BCL2L14: variants seen among roughly 807,000 people sequenced by gnomAD.
BCL2L14 encodes the protein BCL2 like 14.
BCL2L14 carries 27 observed loss-of-function variants against 35.3 expected under a neutral mutation model. The ratio of observed to expected loss-of-function variants is 0.76; its 90% CI spans 0.56 to 1.05. The LOEUF is 1.05. Among genes scored for constraint, BCL2L14 ranks in the 50% least tolerant of loss-of-function variants. The pLI, the probability that BCL2L14 is intolerant of heterozygous loss-of-function variation, is 0.00. For missense variants in BCL2L14, 377 were observed against 382.6 expected (o/e 0.99, Z 0.12); for synonymous variants, 139 against 145.9 (o/e 0.95, Z 0.34).
upstream of BCL2L14, among the ~76,000 whole-genome samples, chr12:12,067,146 C>A (rs1049857236): frequency 5.9e-5 from 9 of 152,016 alleles, no homozygotes; most frequent in Admixed American, 1.3e-4. Flanking sequence ...CTCACTGCAA[C>A]CTCTGCCTCC....
chr12:12,091,823 C>G (rs1193983645), intron 4 of BCL2L14, among the ~76,000 whole-genome samples: 1 of 152,124 alleles, frequency 6.6e-6, no homozygotes, highest in Admixed American at 6.5e-5. Context: ...AGAGATGGAA[C>G]AGGATCATGA....
chr12:12,055,577 T>G (rs542249981), intron 2 of BCL2L14: 3 of 152,328 alleles, frequency 2.0e-5, no homozygotes, highest in African/African-American at 7.2e-5. Flanking sequence ...GTCTCCCTAC[T>G]CTGGGCCTGA....
Position 12,094,756 on chromosome 12 carries a change from G to A in BCL2L14, c.771G>A (p.Val257=), listed in dbSNP as rs1394651416. The change falls in exon 5 of 6, where the codon GTG becomes GTA. Residue 257 remains valine (V), a synonymous_variant. Transcript: ENST00000308721. ...TCACAGACCAGGTCCTAATGGGTGTGGACCCCAGGGGAGAATCAGAGGTCA... is the reference window on the plus strand; with the variant it reads ...TCACAGACCAGGTCCTAATGGGTGTAGACCCCAGGGGAGAATCAGAGGTCA... ...KTITDQVLMG[V]DPRGESEVKA... The A allele has an allele frequency of 6.2e-7, 1 of 1,614,190 alleles. No homozygotes were observed. The highest frequency in any genetic ancestry group is 2.2e-5 in the East Asian group (1 of 44,880).
intron 2 of BCL2L14, among the ~76,000 whole-genome samples, chr12:12,083,008 A>G (rs1948960142): frequency 6.6e-6 from 1 of 152,150 alleles, no homozygotes; most frequent in Non-Finnish European, 1.5e-5. Context: ...TCTGTCACCC[A>G]GGCTGGAGTG....
At chr12:12,070,363 G>A (rs1428844177), upstream of BCL2L14, among the ~76,000 whole-genome samples, 7 of 152,174 alleles carry the variant, frequency 4.6e-5, no homozygotes, top group Admixed American at 2.6e-4. Context: ...AATGGGAATC[G>A]TAACGCCTGC....
chr12:12,051,003 C>G (rs978304936), intron 1 of BCL2L14, among the ~76,000 whole-genome samples: 3 of 151,940 alleles, frequency 2.0e-5, no homozygotes, highest in Non-Finnish European at 4.4e-5. Flanking sequence ...GCACCATAAA[C>G]TGAAGCTAAA....
At chr12:12,089,388 T>A (rs114991980) in intron 3 of BCL2L14, among the ~76,000 whole-genome samples, 10,368 of 140,240 alleles carry the variant, frequency 0.074, 780 homozygotes, top group African/African-American at 0.2. Flanking sequence ...AAAAAAAAAG[T>A]AGAAGAAGAA....
chr12:12,060,078 C>CCTCCTCGCCAGGCTG (rs1357589824), intron 2 of BCL2L14, among the ~76,000 whole-genome samples: 1 of 151,790 alleles, frequency 6.6e-6, no homozygotes, highest in Non-Finnish European at 1.5e-5. Context: ...TGACCTCTCT[C>CCTCCTCGCCAGGCTG]CTCCTCGCCA....
chr12:12,070,349 G>A (rs1948649666), upstream of BCL2L14, among the ~76,000 whole-genome samples: 1 of 152,190 alleles, frequency 6.6e-6, no homozygotes, highest in South Asian at 2.1e-4. Context: ...TTCCTCATCT[G>A]TGCAATGGGA....
chr12:12,050,998 A>G (rs1948351221), intron 1 of BCL2L14, among the ~76,000 whole-genome samples: 2 of 152,134 alleles, frequency 1.3e-5, no homozygotes, highest in South Asian at 4.2e-4. Flanking sequence ...GAATAGCACC[A>G]TAAACTGAAG....
chr12:12,050,446 A>G lies in BCL2L14; in HGVS notation c.-324+492A>G, dbSNP rs543941641. Among the ~76,000 whole-genome samples, 37 of 60,722 alleles carry G rather than the reference A, an allele frequency of 6.1e-4. 1 individual carries two copies. Among genetic ancestry groups the G allele is most frequent in the Admixed American group, 5.4e-3 (28 of 5,198 alleles). 39.8% of individuals were successfully genotyped at this position (60,722 alleles called of 152,430 possible). A position where few individuals can be genotyped will look rare whatever the true frequency, so the allele number is the denominator to read the frequency against. On this transcript the variant is annotated intron_variant, in intron 1 of 3. Transcript: ENST00000461264. ...AGACACCATCTCAAAAAAAAAAAAAAAAAGAAAAGAAAAGAAAAGAAGAAA... is the reference window on the plus strand; with the variant it reads ...AGACACCATCTCAAAAAAAAAAAAAGAAAGAAAAGAAAAGAAAAGAAGAAA...
chr12:12,094,501 G>T (rs1407833635), intron 4 of BCL2L14, 163 bp from the exon 5 acceptor site: 2 of 1,610,016 alleles, frequency 1.2e-6, no homozygotes, highest in African/African-American at 2.7e-5. Context: ...TGCCCATTCT[G>T]GTTCTGCAGG....
At chr12:12,075,600 T>C (rs1312125440) in intron 1 of BCL2L14, among the ~76,000 whole-genome samples, 3 of 151,932 alleles carry the variant, frequency 2.0e-5, no homozygotes, top group Non-Finnish European at 4.4e-5. Context: ...TAATTTTGTA[T>C]TTTTAGTAGA....
At chr12:12,053,514 G>A (rs965490229) in intron 2 of BCL2L14, among the ~76,000 whole-genome samples, 8 of 151,914 alleles carry the variant, frequency 5.3e-5, no homozygotes, top group Admixed American at 2.6e-4. Context: ...TCCACCTCCC[G>A]GGTTCAAGCA....
intron 1 of BCL2L14, among the ~76,000 whole-genome samples, chr12:12,078,989 C>G (rs12823335): frequency 0.22 from 33,204 of 152,034 alleles, 4,201 homozygotes; most frequent in South Asian, 0.29. Flanking sequence ...TAGAGACGGG[C>G]TTTCACTGTA....
intron 1 of BCL2L14, among the ~76,000 whole-genome samples, chr12:12,078,821 G>A (rs547273955): frequency 0.016 from 923 of 57,968 alleles, 11 homozygotes; most frequent in African/African-American, 0.051. Context: ...TTTTTGAGAC[G>A]GAGTCTCACT....
upstream of BCL2L14, among the ~76,000 whole-genome samples, chr12:12,066,508 G>A (rs1948595817): frequency 6.6e-6 from 1 of 152,022 alleles, no homozygotes; most frequent in South Asian, 2.1e-4. Context: ...TATTTCCAGT[G>A]ATGATATAAA....
At chr12:12,096,250 T>C in intron 5 of BCL2L14, 1 of 825,774 alleles carries the variant, frequency 1.2e-6, no homozygotes, top group Non-Finnish European at 1.5e-6. Flanking sequence ...AGAGAAATTA[T>C]AATTATCAAT....
intron 5 of BCL2L14, chr12:12,095,914 G>A: frequency 3.0e-6 from 3 of 985,318 alleles, no homozygotes; most frequent in Non-Finnish European, 3.6e-6. Flanking sequence ...AACCCTAAGT[G>A]GCTGATCTGA....
Sources: gnomAD v4.1 joint callset for allele counts (sites outside exome capture counted in the v4.1 genomes callset) on GRCh38, gnomAD v4.1.1 for gene constraint, MANE v1.5 for transcripts, NCBI Gene and HGNC (gene_info 2026-07-23, HGNC 2026-07-21) for gene names.